AGBL1: variants seen among roughly 807,000 people sequenced by gnomAD.
The protein encoded by AGBL1 is cytosolic carboxypeptidase 4.
A neutral mutation model predicts 118.9 loss-of-function variants in AGBL1; 130 were observed. That is an observed-to-expected ratio of 1.09 (90% confidence interval 0.95 to 1.26). The LOEUF (loss-of-function observed/expected upper bound fraction) is 1.26, where lower values mean the gene tolerates loss of function less well. AGBL1 is among the 50% of genes most tolerant of loss of function. AGBL1 has a pLI of 0.00. For synonymous variants in AGBL1, 555 were observed against 478.9 expected (o/e 1.16, Z -2.08); for missense variants, 1,584 against 1,298.1 (o/e 1.22, Z -3.38).
intron 19 of AGBL1, among the ~76,000 whole-genome samples, chr15:86,540,503 G>A (rs374154289): frequency 1.8e-4 from 27 of 152,096 alleles, no homozygotes; most frequent in Non-Finnish European, 2.9e-4. Flanking sequence ...GCTGAGCCAC[G>A]AGAATTGCTT....
At chr15:86,500,552 G>A (rs1037394515) in intron 18 of AGBL1, among the ~76,000 whole-genome samples, 10 of 151,586 alleles carry the variant, frequency 6.6e-5, no homozygotes, top group African/African-American at 2.4e-4. Context: ...ATTTCAAGTG[G>A]GTAAAGTGGT....
At chr15:86,919,867 G>T (rs1016051317), downstream of AGBL1, among the ~76,000 whole-genome samples, 1 of 152,146 alleles carries the variant, frequency 6.6e-6, no homozygotes, top group Non-Finnish European at 1.5e-5. Flanking sequence ...GTCCCAGTGG[G>T]GCTGAAATGG....
chr15:86,091,263 G>A (rs1896005193), intron 1 of AGBL1, among the ~76,000 whole-genome samples: 1 of 152,196 alleles, frequency 6.6e-6, no homozygotes. Flanking sequence ...AAGGTTTTCA[G>A]AATTTTATCA....
At chr15:86,560,568 T>C (rs2083802667) in intron 21 of AGBL1, among the ~76,000 whole-genome samples, 1 of 152,232 alleles carries the variant, frequency 6.6e-6, no homozygotes, top group Admixed American at 6.5e-5. Flanking sequence ...GTTCTAACTC[T>C]TTGCTATTGT....
chr15:86,632,595 A>C (rs2084992115), intron 21 of AGBL1, among the ~76,000 whole-genome samples: 1 of 150,336 alleles, frequency 6.7e-6, no homozygotes, highest in African/African-American at 2.4e-5. Context: ...CTCACTTCCA[A>C]CCTTACTACC....
At chr15:86,190,545 G>T (rs922141659) in intron 5 of AGBL1, among the ~76,000 whole-genome samples, 1 of 151,940 alleles carries the variant, frequency 6.6e-6, no homozygotes, top group African/African-American at 2.4e-5. Context: ...TAAAATGTTG[G>T]CAATTCTCCC....
chr15:86,362,436 T>C (rs2080818526), intron 17 of AGBL1, among the ~76,000 whole-genome samples: 1 of 152,196 alleles, frequency 6.6e-6, no homozygotes, highest in Admixed American at 6.5e-5. Flanking sequence ...TAATGTTCTT[T>C]TGTTTCAACT....
chr15:86,439,186 C>T (rs2082033394), intron 18 of AGBL1, among the ~76,000 whole-genome samples: 1 of 152,014 alleles, frequency 6.6e-6, no homozygotes, highest in Non-Finnish European at 1.5e-5. Context: ...ACTTGTGTTG[C>T]TAGTGTCCCC....
At chr15:86,476,551 C>G (rs147834334) in intron 18 of AGBL1, among the ~76,000 whole-genome samples, 6,533 of 152,194 alleles carry the variant, frequency 0.043, 494 homozygotes, top group African/African-American at 0.15. Flanking sequence ...TATATATGCA[C>G]CCAATACAGG....
At chr15:86,869,700 T>A (rs1435861344) in intron 22 of AGBL1, among the ~76,000 whole-genome samples, 1 of 152,048 alleles carries the variant, frequency 6.6e-6, no homozygotes, top group African/African-American at 2.4e-5. Context: ...CAATAATAAT[T>A]ATTATAACCA....
chr15:86,329,735 T>A (rs2080241736), intron 17 of AGBL1, among the ~76,000 whole-genome samples: 1 of 152,120 alleles, frequency 6.6e-6, no homozygotes, highest in South Asian at 2.1e-4. Context: ...AAACTCTTTC[T>A]GTGAAGAGAT....
intron 21 of AGBL1, among the ~76,000 whole-genome samples, chr15:86,621,179 A>G (rs16977862): frequency 0.078 from 11,847 of 152,232 alleles, 1,267 homozygotes; most frequent in African/African-American, 0.24. Flanking sequence ...GTGCTTTTAC[A>G]TCTTCCTTAA....
Position 86,107,925 on chromosome 15 carries a change from A to G in AGBL1, c.51+27902A>G, listed in dbSNP as rs144291281. Among the ~76,000 whole-genome samples, 102 of 152,306 alleles carry G rather than the reference A, an allele frequency of 6.7e-4. 1 individual carries two copies. The East Asian group carries it at 0.015, about 23-fold the overall frequency. ...TGCATAGTAGTACCTCATTTTTTATAGGAAGATCAGCTCTCTTAAAATAGA... is the reference window on the plus strand; with the variant it reads ...TGCATAGTAGTACCTCATTTTTTATGGGAAGATCAGCTCTCTTAAAATAGA... On this transcript the variant is annotated intron_variant, in intron 1 of 22. Transcript: ENST00000614907.
At chr15:86,306,264 C>G (rs2079838835) in intron 17 of AGBL1, among the ~76,000 whole-genome samples, 1 of 152,032 alleles carries the variant, frequency 6.6e-6, no homozygotes, top group Non-Finnish European at 1.5e-5. Context: ...CTTAGTCATT[C>G]TATTTTCTTG....
chr15:86,343,655 C>T (rs1328778347), intron 17 of AGBL1, among the ~76,000 whole-genome samples: 1 of 152,086 alleles, frequency 6.6e-6, no homozygotes, highest in East Asian at 1.9e-4. Flanking sequence ...CATGGAAGAA[C>T]AAATATTGGG....
At chr15:86,858,229 T>A (rs747562285) in intron 22 of AGBL1, among the ~76,000 whole-genome samples, 1 of 152,062 alleles carries the variant, frequency 6.6e-6, no homozygotes, top group Non-Finnish European at 1.5e-5. Context: ...GGAATGGAAA[T>A]AAATAATTGC....
intron 18 of AGBL1, among the ~76,000 whole-genome samples, chr15:86,502,148 T>G: frequency 6.6e-6 from 1 of 151,570 alleles, no homozygotes; most frequent in East Asian, 1.9e-4. Flanking sequence ...TGTAAAAACC[T>G]TACACTTCTT....
Position 86,476,305 on chromosome 15 carries a change from A to G in AGBL1, c.2556-46505A>G, listed in dbSNP as rs530744382. ...ACTGGCAAATTGGATAAAGAATCAAAACCCATCAGTGTGCTGTATTCAGGA... is the reference window on the plus strand; with the variant it reads ...ACTGGCAAATTGGATAAAGAATCAAGACCCATCAGTGTGCTGTATTCAGGA... On this transcript the variant is annotated intron_variant, in intron 18 of 22. Transcript: ENST00000614907. Among the ~76,000 whole-genome samples, 16 of 152,228 alleles carry G rather than the reference A, an allele frequency of 1.1e-4. No individual in the cohort carries two copies. In the East Asian group the frequency reaches 2.5e-3, roughly 24 times the overall value.
At chr15:86,856,111 A>T (rs898491142) in intron 22 of AGBL1, among the ~76,000 whole-genome samples, 1 of 152,142 alleles carries the variant, frequency 6.6e-6, no homozygotes, top group African/African-American at 2.4e-5. Flanking sequence ...CATTTCCGCA[A>T]AGGGGTGGAC....
Sources: gnomAD v4.1 joint callset for allele counts (sites outside exome capture counted in the v4.1 genomes callset) on GRCh38, gnomAD v4.1.1 for gene constraint, MANE v1.5 for transcripts, NCBI Gene and HGNC (gene_info 2026-07-23, HGNC 2026-07-21) for gene names.